Variants in POF1B observed in about 807,000 individuals in gnomAD.
POF1B encodes the protein protein POF1B.
POF1B carries 53 observed loss-of-function variants against 55.3 expected under a neutral mutation model. That is an observed-to-expected ratio of 0.96 (90% confidence interval 0.77 to 1.20). POF1B has a LOEUF of 1.20. Ranked by LOEUF, POF1B falls within the 50% of genes most tolerant of loss-of-function variation. The pLI is 0.00. For missense variants in POF1B, 478 were observed against 420.5 expected, an observed-to-expected ratio of 1.14 and a Z score of -1.20; for synonymous variants, 188 against 148.3, an observed-to-expected ratio of 1.27 and a Z score of -1.95.
At chrX:85,362,035 G>T (rs1261549547) in intron 3 of POF1B, among the ~76,000 whole-genome samples, 1 of 107,828 alleles carries the variant, frequency 9.3e-6, no homozygotes, top group Admixed American at 1.0e-4. Context: ...TCCTGATTTT[G>T]CTCTTGGCAT....
At chrX:85,340,181 G>T (rs1043520343) in intron 6 of POF1B, among the ~76,000 whole-genome samples, 1 of 110,910 alleles carries the variant, frequency 9.0e-6, no homozygotes, top group African/African-American at 3.3e-5. Flanking sequence ...AACAATGGTG[G>T]GAGTCCAGAA....
chrX:85,333,350 T>G (rs1050650800), intron 6 of POF1B, among the ~76,000 whole-genome samples: 3 of 111,654 alleles, frequency 2.7e-5, no homozygotes, highest in Non-Finnish European at 5.7e-5. Flanking sequence ...TATTTTATTA[T>G]ACAGATGTAA....
Position 85,303,397 on chromosome X carries a change from A to G in POF1B, c.1649+9T>C. On this transcript the variant is annotated intron_variant, in intron 15 of 16. Transcript: ENST00000262753. The stretch of plus-strand genomic sequence containing the variant: ...TTTTATATTCAAATTTCATTTAAAA[A>G]TACATTACTTTTTAGTGGTAATAGT... 1 of 1,081,692 alleles carries G rather than the reference A, an allele frequency of 9.2e-7. No individual in the cohort carries two copies. Among genetic ancestry groups the G allele is most frequent in the East Asian group, 3.0e-5 (1 of 32,833 alleles). 89.1% of individuals were successfully genotyped at this position (1,081,692 alleles called of 1,213,427 possible).
At chrX:85,285,833 C>T (rs1932041361) in intron 15 of POF1B, among the ~76,000 whole-genome samples, 1 of 110,918 alleles carries the variant, frequency 9.0e-6, no homozygotes. Flanking sequence ...GCTTACTCGT[C>T]TATACACAAC....
At chrX:85,321,497 G>A (rs1420564072) in intron 7 of POF1B, among the ~76,000 whole-genome samples, 17 of 109,131 alleles carry the variant, frequency 1.6e-4, no homozygotes, top group African/African-American at 4.4e-4. Context: ...TACTGAATGG[G>A]CAAAAACTGG....
At chrX:85,329,653 A>G (rs1431081813) in intron 7 of POF1B, among the ~76,000 whole-genome samples, 1 of 104,106 alleles carries the variant, frequency 9.6e-6, no homozygotes, top group Non-Finnish European at 1.9e-5. Flanking sequence ...TTAAAAAAAG[A>G]GAATAAGGCA....
At chrX:85,374,130 T>A (rs931553697) in intron 2 of POF1B, among the ~76,000 whole-genome samples, 1 of 111,496 alleles carries the variant, frequency 9.0e-6, no homozygotes, top group African/African-American at 3.3e-5. Context: ...TTCTTAGGTG[T>A]AATTAAAGTT....
At chrX:85,310,868 A>G (rs1240705357) in intron 9 of POF1B, among the ~76,000 whole-genome samples, 1 of 112,289 alleles carries the variant, frequency 8.9e-6, no homozygotes, top group Non-Finnish European at 1.9e-5. Context: ...ATTATTGGGA[A>G]TAACAATTCA....
chrX:85,374,385 G>T (rs1933886291), intron 2 of POF1B, among the ~76,000 whole-genome samples: 1 of 111,652 alleles, frequency 9.0e-6, no homozygotes, highest in Non-Finnish European at 1.9e-5. Flanking sequence ...TGGTCAAAGA[G>T]CTCAAAAGCC....
chrX:85,320,559 A>G (rs1459851822), intron 7 of POF1B, among the ~76,000 whole-genome samples: 2 of 111,379 alleles, frequency 1.8e-5, no homozygotes, highest in Non-Finnish European at 3.8e-5. Context: ...AACACATTCA[A>G]AAGCTAGCAG....
rs773020526 is a variant in POF1B at position 85,282,198 on chromosome X, C to T, written c.1764+5G>A. 8.5e-7 allele frequency: 1 copy of T among 1,181,396 alleles called. No individual in the cohort carries two copies. The highest frequency in any genetic ancestry group is 3.1e-5 in the East Asian group (1 of 32,410). On this transcript the variant is annotated splice_donor_5th_base_variant and intron_variant, in intron 16 of 16. Transcript: ENST00000262753. ...ATAGGGCTAAAAATGCCCAAGTGAA[C>T]TTACACAAGTGTATTTGTCTTCTGT...
chrX:85,341,611 A>G (rs890857331), intron 6 of POF1B, among the ~76,000 whole-genome samples: 2 of 110,473 alleles, frequency 1.8e-5, no homozygotes, highest in Non-Finnish European at 3.8e-5. Context: ...ACAAGTTTAC[A>G]TAAAAGGCAC....
intron 2 of POF1B, among the ~76,000 whole-genome samples, chrX:85,375,477 C>T (rs942606581): frequency 4.5e-5 from 5 of 111,848 alleles, no homozygotes; most frequent in African/African-American, 1.6e-4. Context: ...CATTTTCACT[C>T]AGCAATTAGT....
At chrX:85,311,219 A>G (rs1319483454) in intron 9 of POF1B, among the ~76,000 whole-genome samples, 2 of 111,561 alleles carry the variant, frequency 1.8e-5, no homozygotes, top group African/African-American at 6.5e-5. Context: ...TTTTTTTATT[A>G]TACTTTAAGT....
chrX:85,323,798 T>C (rs912659657), intron 7 of POF1B, among the ~76,000 whole-genome samples: 1 of 110,130 alleles, frequency 9.1e-6, no homozygotes, highest in African/African-American at 3.3e-5. Context: ...TTCCTCTAGA[T>C]GTGGTTTTGG....
At chrX:85,292,415 G>A (rs1441873600) in intron 15 of POF1B, among the ~76,000 whole-genome samples, 1 of 111,266 alleles carries the variant, frequency 9.0e-6, no homozygotes, top group Non-Finnish European at 1.9e-5. Flanking sequence ...TTGTATCTCT[G>A]CCAGGTTTTG....
chrX:85,355,922 C>T (rs1407022444), intron 4 of POF1B, among the ~76,000 whole-genome samples: 1 of 111,368 alleles, frequency 9.0e-6, no homozygotes, highest in Non-Finnish European at 1.9e-5. Context: ...GGATCTAGAA[C>T]TAGAAATACC....
At chrX:85,375,634 C>T (rs1382261750) in intron 2 of POF1B, among the ~76,000 whole-genome samples, 1 of 111,528 alleles carries the variant, frequency 9.0e-6, no homozygotes, top group African/African-American at 3.3e-5. Flanking sequence ...GTGACTACGC[C>T]CTTGAACAAC....
At chrX:85,290,591 G>A (rs1252362844) in intron 15 of POF1B, among the ~76,000 whole-genome samples, 1 of 111,619 alleles carries the variant, frequency 9.0e-6, no homozygotes, top group Admixed American at 9.5e-5. Context: ...CATTCCCTTT[G>A]ATCTGCACCC....
Sources: gnomAD v4.1 joint callset for allele counts (sites outside exome capture counted in the v4.1 genomes callset) on GRCh38, gnomAD v4.1.1 for gene constraint, MANE v1.5 for transcripts, NCBI Gene and HGNC (gene_info 2026-07-23, HGNC 2026-07-21) for gene names.